The following SYNE1 variants were observed in gnomAD, a reference collection of about 807,000 sequenced individuals.
The protein encoded by SYNE1 is spectrin repeat containing nuclear envelope protein 1, also known as nesprin-1.
A neutral mutation model predicts 1,111.0 loss-of-function variants in SYNE1; 616 were observed. The ratio of observed to expected loss-of-function variants is 0.55; its 90% confidence interval spans 0.52 to 0.59. SYNE1 has a LOEUF of 0.59. Ranked by LOEUF, SYNE1 falls within the 20% of genes least tolerant of loss-of-function variation. SYNE1 has a pLI of 0.00. For missense variants in SYNE1, 10,006 were observed against 10,417.0 expected (o/e 0.96, Z 1.72); for synonymous variants, 3,855 against 3,825.8 (o/e 1.01, Z -0.28).
At chr6:152,415,243 G>C (rs1177436790) in intron 41 of SYNE1, among the ~76,000 whole-genome samples, 1 of 152,122 alleles carries the variant, frequency 6.6e-6, no homozygotes, top group South Asian at 2.1e-4. Context: ...TTTACTAAGG[G>C]AACTTATCTT....
In SYNE1 at chr6:152,164,255, A is replaced by T. The variant is rs1394068338; in HGVS notation, c.23698T>A (p.Trp7900Arg). ...LDKNMSSLRTWLAHIESELAK... is the reference protein window; with the variant it reads ...LDKNMSSLRTRLAHIESELAK... Reference sequence around the variant, plus strand: ...AGCTCTGACTCGATGTGAGCGAGCCAGGTCCTCAGGCTGCTCATGTTCTTA... The same window carrying T: ...AGCTCTGACTCGATGTGAGCGAGCCTGGTCCTCAGGCTGCTCATGTTCTTA... Residue 7900 changes from tryptophan to arginine, a missense_variant, in exon 131 of 146, where the codon TGG (tryptophan) becomes AGG (arginine). This residue lies in a region of SYNE1 where 2,182 missense variants were observed against 2,287.8 expected (regional missense o/e 0.95). Coordinates refer to ENST00000367255, the MANE Select transcript of SYNE1 (RefSeq NM_182961.4). 1 of 1,614,088 alleles carries T rather than the reference A, an allele frequency of 6.2e-7. No homozygotes were observed. Among genetic ancestry groups the T allele is most frequent in the Non-Finnish European group, 8.5e-7 (1 of 1,180,048 alleles).
chr6:152,266,434 C>T (rs775995540), intron 100 of SYNE1, among the ~76,000 whole-genome samples: 5 of 152,160 alleles, frequency 3.3e-5, no homozygotes, highest in Non-Finnish European at 7.4e-5. Context: ...TGGAATGTAA[C>T]GTGAAGGCAA....
Position 152,433,937 on chromosome 6 carries a change from G to A in SYNE1, c.4319C>T (p.Thr1440Ile). ...CCACTTGGTTTTCACCATTTCCATG[G>A]TTTTAATACTAAAATTAACCAAATT... ...LEDTLEEDIKTMEMVKTKWDH... is the reference protein window; with the variant it reads ...LEDTLEEDIKIMEMVKTKWDH... The change falls in exon 34 of 146, where the codon ACC becomes ATC. Residue 1440 changes from threonine (T) to isoleucine (I), a missense_variant. By Grantham distance (89) the Thr-to-Ile change is moderately conservative (BLOSUM62 -1). Transcript: ENST00000367255. The A allele has an allele frequency of 6.2e-7, 1 of 1,612,582 alleles. No individual in the cohort carries two copies. The highest frequency in any genetic ancestry group is 8.5e-7 in the Non-Finnish European group (1 of 1,179,176).
At chr6:152,566,177 G>T (rs1348225438) in intron 3 of SYNE1, among the ~76,000 whole-genome samples, 1 of 152,078 alleles carries the variant, frequency 6.6e-6, no homozygotes, top group African/African-American at 2.4e-5. Flanking sequence ...GTTGAACCTG[G>T]GGTGTGTGTG....
rs188195453 is a variant in SYNE1 at position 152,134,924 on chromosome 6, T to C, written c.25788+180A>G. On this transcript the variant is annotated intron_variant, in intron 142 of 145. Transcript: ENST00000367255. Reference sequence around the variant, plus strand: ...TAAAGCTAGCAGATATCATCTTCTATGCACATGTTTGCTTTACAAAGATTG... The same window carrying C: ...TAAAGCTAGCAGATATCATCTTCTACGCACATGTTTGCTTTACAAAGATTG... The C allele has an allele frequency of 8.1e-4, 557 of 691,742 alleles. 2 individuals carry two copies. In the African/African-American group the frequency reaches 9.1e-3, roughly 11 times the overall value. 42.9% of individuals were successfully genotyped at this position (691,742 alleles called of 1,614,324 possible). A position where few individuals can be genotyped will look rare whatever the true frequency, so the allele number is the denominator to read the frequency against.
intron 3 of SYNE1, among the ~76,000 whole-genome samples, chr6:152,557,469 A>C (rs911941741): frequency 6.6e-6 from 1 of 152,204 alleles, no homozygotes; most frequent in Non-Finnish European, 1.5e-5. Context: ...ATGAATACCA[A>C]GAGCCCTAAA....
At chr6:152,184,291 G>C (rs2079736504) in intron 128 of SYNE1, among the ~76,000 whole-genome samples, 1 of 152,068 alleles carries the variant, frequency 6.6e-6, no homozygotes. Flanking sequence ...TACAAAATTA[G>C]CAGGGCATGG....
At position 152,139,939 on chromosome 6, in the gene SYNE1, G is replaced by A. The variant is rs2152798989; in HGVS notation, c.25458+11C>T. 1 of 1,612,774 alleles carries A rather than the reference G, an allele frequency of 6.2e-7. No individual in the cohort carries two copies. The highest frequency in any genetic ancestry group is 8.5e-7 in the Non-Finnish European group (1 of 1,180,002). ...TGTTTGTCCGCCGTGGGAAAGGCAA[G>A]GGGCAGCTACCTTGAGCTTTTTGAT... is the stretch of plus-strand genomic sequence containing the variant. On this transcript the variant is annotated intron_variant, in intron 140 of 145. Transcript: ENST00000367255.
At chr6:152,317,729 T>C (rs2095767511) in intron 86 of SYNE1, among the ~76,000 whole-genome samples, 1 of 152,212 alleles carries the variant, frequency 6.6e-6, no homozygotes, top group African/African-American at 2.4e-5. Context: ...CTGATATATA[T>C]GTAGCTTACT....
At chr6:152,350,978 G>A (rs913157775) in intron 70 of SYNE1, among the ~76,000 whole-genome samples, 4 of 152,098 alleles carry the variant, frequency 2.6e-5, no homozygotes, top group African/African-American at 9.7e-5. Flanking sequence ...ACATCAAATG[G>A]CCCTTCCTAT....
At chr6:152,362,353 C>T (rs764572942) in intron 63 of SYNE1, 30 bp from the exon 64 acceptor site, 97 of 1,613,902 alleles carry the variant, frequency 6.0e-5, no homozygotes, top group African/African-American at 2.1e-4. Flanking sequence ...ACAATAAATC[C>T]ACATTGAGAA....
At chr6:152,517,590 T>C (rs898213325) in intron 6 of SYNE1, among the ~76,000 whole-genome samples, 3 of 152,216 alleles carry the variant, frequency 2.0e-5, no homozygotes, top group African/African-American at 7.2e-5. Context: ...CCAATTCCCA[T>C]TCATAAGAGA....
chr6:152,408,982 C>T, intron 44 of SYNE1, 86 bp downstream of exon 44: 1 of 1,233,904 alleles, frequency 8.1e-7, no homozygotes, highest in Non-Finnish European at 1.2e-6. Context: ...GTGAAATTCA[C>T]ATCCTTGAAT....
At chr6:152,244,993 A>T (rs1486041764) in intron 105 of SYNE1, among the ~76,000 whole-genome samples, 1 of 152,186 alleles carries the variant, frequency 6.6e-6, no homozygotes, top group Non-Finnish European at 1.5e-5. Flanking sequence ...GGACATAGTT[A>T]AAAAAAGGTA....
intron 3 of SYNE1, among the ~76,000 whole-genome samples, chr6:152,560,578 C>A (rs1172710720): frequency 1.3e-5 from 2 of 152,128 alleles, no homozygotes; most frequent in African/African-American, 4.8e-5. Context: ...CACTTCCACA[C>A]TCATTTTATA....
chr6:152,573,702 A>G (rs540665410), intron 3 of SYNE1, among the ~76,000 whole-genome samples: 5 of 152,284 alleles, frequency 3.3e-5, no homozygotes, highest in Non-Finnish European at 4.4e-5. Context: ...TTTTCTGAAG[A>G]TTTCCCTATA....
intron 11 of SYNE1, among the ~76,000 whole-genome samples, chr6:152,491,331 T>C (rs1263098728): frequency 6.6e-6 from 1 of 152,150 alleles, no homozygotes; most frequent in African/African-American, 2.4e-5. Context: ...AAATCAATTG[T>C]GGAGACGCCT....
chr6:152,277,264 CT>C (rs747947368), intron 98 of SYNE1, among the ~76,000 whole-genome samples: 1,302 of 82,062 alleles, frequency 0.016, 2 homozygotes, highest in African/African-American at 0.037. Context: ...TTTTCTTTTT[CT>C]TTTTTTTTTT....
Position 152,399,796 on chromosome 6 carries a change from G to A in SYNE1, c.7057C>T (p.Gln2353Ter). The A allele has an allele frequency of 6.2e-7, 1 of 1,614,120 alleles. No individual in the cohort carries two copies. Among genetic ancestry groups the A allele is most frequent in the Non-Finnish European group, 8.5e-7 (1 of 1,180,004 alleles). Residue 2353 changes from glutamine (Q) to a stop codon, truncating the protein, a stop_gained, in exon 48 of 146, where the codon CAA (glutamine) becomes TAA (stop). Transcript: ENST00000367255. LOFTEE classifies it high-confidence loss of function. ...TCTTGGGTAGAGCTGATGTTGCTTTGTTGACTTTGAAGTTCTTTTTGTATA... is the reference window on the plus strand; with the variant it reads ...TCTTGGGTAGAGCTGATGTTGCTTTATTGACTTTGAAGTTCTTTTTGTATA... ...KDIQKELQSQ[Q>*]SNISSTQENL...
Sources: gnomAD v4.1 joint callset for allele counts (sites outside exome capture counted in the v4.1 genomes callset) on GRCh38, gnomAD v4.1.1 for gene constraint, gnomAD v4.1.1 regional missense constraint, MANE v1.5 for transcripts, NCBI Gene and HGNC (gene_info 2026-07-23, HGNC 2026-07-21) for gene names.